Variants in CFAP299 observed in about 807,000 individuals in gnomAD.
CFAP299 encodes cilia- and flagella-associated protein 299.
In CFAP299, 21 loss-of-function variants were observed where a neutral mutation model predicts 27.0. That is an observed-to-expected ratio of 0.78 (90% CI 0.55 to 1.12). CFAP299 has a LOEUF of 1.12. Ranked by LOEUF, CFAP299 falls within the 50% of genes most tolerant of loss-of-function variation. The pLI, the probability that CFAP299 is intolerant of heterozygous loss-of-function variation, is 0.00. For missense variants in CFAP299, 310 were observed against 276.6 expected, an observed-to-expected ratio of 1.12 and a Z score of -0.86; for synonymous variants, 104 against 98.1, an observed-to-expected ratio of 1.06 and a Z score of -0.36.
chr4:80,480,075 C>T (rs192745348), intron 2 of CFAP299, among the ~76,000 whole-genome samples: 3 of 151,794 alleles, frequency 2.0e-5, no homozygotes, highest in Non-Finnish European at 4.4e-5. Flanking sequence ...TCCTTATGTA[C>T]CAGTGCATTT....
intron 3 of CFAP299, among the ~76,000 whole-genome samples, chr4:80,616,241 T>A (rs1738268996): frequency 6.6e-6 from 1 of 152,148 alleles, no homozygotes; most frequent in Non-Finnish European, 1.5e-5. Flanking sequence ...ATCCCAGGCC[T>A]TCTGTTTGCT....
intron 2 of CFAP299, among the ~76,000 whole-genome samples, chr4:80,390,720 C>CATATATATATGTATATATGTATAT (rs1208322596): frequency 7.2e-6 from 1 of 138,164 alleles, no homozygotes; most frequent in Non-Finnish European, 1.5e-5. Context: ...TGTATACACA[C>CATATATATATGTATATATGTATAT]ATACATGTAT....
chr4:80,567,544 A>G (rs1311342845), intron 2 of CFAP299, among the ~76,000 whole-genome samples: 1 of 151,900 alleles, frequency 6.6e-6, no homozygotes, highest in African/African-American at 2.4e-5. Context: ...AAAGGGGAGG[A>G]GACTAAAAAA....
intron 2 of CFAP299, among the ~76,000 whole-genome samples, chr4:80,375,822 CCCAGAAAACA>C (rs2110014029): frequency 1.3e-5 from 2 of 152,218 alleles, no homozygotes; most frequent in South Asian, 4.1e-4. Flanking sequence ...GTGTGGGCCA[CCCAGAAAACA>C]ATATGTCATG....
chr4:80,527,807 T>C (rs1475827019), intron 2 of CFAP299, among the ~76,000 whole-genome samples: 1 of 152,176 alleles, frequency 6.6e-6, no homozygotes, highest in Admixed American at 6.6e-5. Context: ...ACAAGGGATA[T>C]TCTATGATGT....
chr4:80,814,255 G>A (rs1366081139), intron 3 of CFAP299, among the ~76,000 whole-genome samples: 1 of 151,992 alleles, frequency 6.6e-6, no homozygotes, highest in East Asian at 1.9e-4. Context: ...CCTTCAAAAT[G>A]TTTATTGAGA....
At chr4:80,554,812 G>T (rs1482375657) in intron 2 of CFAP299, among the ~76,000 whole-genome samples, 1 of 152,020 alleles carries the variant, frequency 6.6e-6, no homozygotes, top group Non-Finnish European at 1.5e-5. Flanking sequence ...GCTGTTGTTG[G>T]TGTAAAGGGA....
intron 2 of CFAP299, among the ~76,000 whole-genome samples, chr4:80,393,224 G>A (rs1019914574): frequency 3.9e-5 from 6 of 152,078 alleles, no homozygotes; most frequent in Non-Finnish European, 8.8e-5. Context: ...TTATGCAATT[G>A]TACAGTGATT....
chr4:80,720,532 G>A (rs946693523), intron 3 of CFAP299, among the ~76,000 whole-genome samples: 2 of 152,026 alleles, frequency 1.3e-5, no homozygotes, highest in African/African-American at 4.8e-5. Flanking sequence ...TTGGTTATAA[G>A]TAATCTTACC....
intron 5 of CFAP299, among the ~76,000 whole-genome samples, chr4:80,945,545 C>T (rs752021353): frequency 1.4e-4 from 21 of 151,750 alleles, no homozygotes; most frequent in East Asian, 3.9e-4. Flanking sequence ...TCCTATGTCT[C>T]GGGATGAAAG....
intron 3 of CFAP299, among the ~76,000 whole-genome samples, chr4:80,584,846 G>A (rs1423656885): frequency 6.6e-6 from 1 of 151,916 alleles, no homozygotes; most frequent in Admixed American, 6.6e-5. Context: ...CTAACTGCTT[G>A]GGATACAATG....
chr4:80,714,134 T>G (rs1722339636), intron 3 of CFAP299, among the ~76,000 whole-genome samples: 2 of 152,136 alleles, frequency 1.3e-5, no homozygotes, highest in Non-Finnish European at 2.9e-5. Flanking sequence ...GGAAGAGTTA[T>G]TTGAGAAACT....
chr4:80,587,935 C>T lies in CFAP299; in HGVS notation c.333+4752C>T, dbSNP rs1214278512. On this transcript the variant is annotated intron_variant, in intron 3 of 5. Transcript: ENST00000358105. ...TAGGTCAGGTTCCCTAAAAGCAGAG[C>T]ATAGGATGCCAATTTTAGTGCAAGC... Among the ~76,000 whole-genome samples the T allele has an allele frequency of 2.8e-5, 4 of 144,588 alleles. 1 individual carries two copies. The highest frequency in any genetic ancestry group is 1.2e-4 in the African/African-American group (4 of 34,460). The allele number at this position is 144,588 out of a possible 152,430, so 94.9% of individuals were successfully genotyped here.
chr4:80,669,670 A>T (rs1741362082), intron 3 of CFAP299, among the ~76,000 whole-genome samples: 1 of 151,280 alleles, frequency 6.6e-6, no homozygotes, highest in Admixed American at 6.6e-5. Context: ...TTTCAATTAG[A>T]ATGTCCTTCA....
intron 2 of CFAP299, among the ~76,000 whole-genome samples, chr4:80,449,845 A>G (rs571334300): frequency 6.6e-6 from 1 of 152,106 alleles, no homozygotes; most frequent in South Asian, 2.1e-4. Context: ...TTTAATATTT[A>G]TAAATATTAT....
In CFAP299 at chr4:80,863,080, A is replaced by G. The variant is rs375354301; in HGVS notation, c.334-6913A>G. Among the ~76,000 whole-genome samples the G allele has an allele frequency of 5.9e-5, 9 of 152,226 alleles. No individual in the cohort carries two copies. In the South Asian group the frequency reaches 1.9e-3, roughly 32 times the overall value. ...CATAACGATTCCTTCATTTGTCTCT[A>G]TCAGAGAGCACACTGACAGTCTGCT... On this transcript the variant is annotated intron_variant, in intron 3 of 5. Transcript: ENST00000358105.
At chr4:80,352,674 C>T (rs1450213738) in intron 1 of CFAP299, among the ~76,000 whole-genome samples, 2 of 152,040 alleles carry the variant, frequency 1.3e-5, no homozygotes, top group Non-Finnish European at 2.9e-5. Context: ...GGTCATAAAA[C>T]AAGTCTCAAT....
intron 3 of CFAP299, among the ~76,000 whole-genome samples, chr4:80,794,565 G>A (rs753414676): frequency 1.4e-4 from 22 of 152,132 alleles, no homozygotes; most frequent in Non-Finnish European, 2.4e-4. Context: ...CAATCCAGCT[G>A]CTTCAGGATG....
intron 2 of CFAP299, among the ~76,000 whole-genome samples, chr4:80,368,654 A>G (rs930552274): frequency 6.6e-6 from 1 of 152,186 alleles, no homozygotes; most frequent in African/African-American, 2.4e-5. Context: ...GAAGTCGGAT[A>G]AAATTCCAGA....
Sources: gnomAD v4.1 joint callset for allele counts (sites outside exome capture counted in the v4.1 genomes callset) on GRCh38, gnomAD v4.1.1 for gene constraint, MANE v1.5 for transcripts, NCBI Gene and HGNC (gene_info 2026-07-23, HGNC 2026-07-21) for gene names.